Variants in TENM3 observed in about 807,000 individuals in gnomAD.
TENM3 encodes teneurin transmembrane protein 3, also known as teneurin-3.
Under a neutral mutation model 255.1 loss-of-function variants are expected in TENM3, and 63 were observed. The observed-to-expected ratio is 0.25, with a 90% CI of 0.20 to 0.30. The LOEUF is 0.30. Ranked by LOEUF, TENM3 falls within the 10% of genes least tolerant of loss-of-function variation. The probability of loss-of-function intolerance (pLI) is 1.00; values close to 1 mark genes in which losing one functional copy is unlikely to be tolerated. For synonymous variants in TENM3, 1,306 were observed against 1,322.3 expected (o/e 0.99, Z 0.27); for missense variants, 2,929 against 3,461.1 (o/e 0.85, Z 3.86).
chr4:181,510,785 G>T, the TENM3 span, among the ~76,000 whole-genome samples: 15 of 152,298 alleles, frequency 9.8e-5, no homozygotes, highest in African/African-American at 2.9e-4. Context: ...GACTCTCTAA[G>T]GAGAATTCAA....
At chr4:182,296,470 A>G (rs1761506371) in intron 1 of TENM3, among the ~76,000 whole-genome samples, 1 of 152,166 alleles carries the variant, frequency 6.6e-6, no homozygotes, top group African/African-American at 2.4e-5. Context: ...AAAAACTTCC[A>G]AACCAGAGAG....
At chr4:182,762,612 C>A (rs1196576949) in intron 22 of TENM3, among the ~76,000 whole-genome samples, 1 of 152,214 alleles carries the variant, frequency 6.6e-6, no homozygotes, top group Non-Finnish European at 1.5e-5. Flanking sequence ...AGCTCTCACT[C>A]CTGGATCCCG....
At chr4:182,711,928 C>G (rs1371487403) in intron 12 of TENM3, among the ~76,000 whole-genome samples, 1 of 151,924 alleles carries the variant, frequency 6.6e-6, no homozygotes, top group East Asian at 1.9e-4. Context: ...TCACTGTTGG[C>G]AATTCAGCTT....
chr4:182,402,951 G>T (rs1411528701), intron 3 of TENM3, among the ~76,000 whole-genome samples: 2 of 152,206 alleles, frequency 1.3e-5, no homozygotes, highest in Non-Finnish European at 2.9e-5. Context: ...ATATAACCAT[G>T]ATGGAAATGT....
intron 1 of TENM3, among the ~76,000 whole-genome samples, chr4:182,218,884 T>C (rs1011697828): frequency 1.3e-5 from 2 of 152,374 alleles, no homozygotes; most frequent in Middle Eastern, 6.8e-3. Context: ...AATTATGTTG[T>C]AATTCTTTAT....
the TENM3 span, among the ~76,000 whole-genome samples, chr4:181,995,694 T>C: frequency 6.6e-6 from 1 of 152,176 alleles, no homozygotes; most frequent in African/African-American, 2.4e-5. Flanking sequence ...AATTGAGTAC[T>C]TGCTATAGAT....
At chr4:182,771,382 C>T (rs1376268927) in intron 22 of TENM3, among the ~76,000 whole-genome samples, 1 of 152,110 alleles carries the variant, frequency 6.6e-6, no homozygotes, top group African/African-American at 2.4e-5. Flanking sequence ...TACAGGAGGG[C>T]TAGTGGGCCT....
At chr4:182,786,770 A>G (rs931667617) in intron 24 of TENM3, among the ~76,000 whole-genome samples, 2 of 152,160 alleles carry the variant, frequency 1.3e-5, no homozygotes, top group African/African-American at 4.8e-5. Flanking sequence ...ATGGGCAATA[A>G]TAACATGGCA....
rs1764846737 is a variant in TENM3, at chr4:182,346,805, G to T, written c.387G>T (p.Glu129Asp). The T allele has an allele frequency of 1.9e-6, 3 of 1,613,544 alleles. No individual in the cohort carries two copies. Among genetic ancestry groups the T allele is most frequent in the Non-Finnish European group, 2.5e-6 (3 of 1,179,720 alleles). Residue 129 changes from glutamate (E) to aspartate (D), a missense_variant, in exon 3 of 28, where the codon GAG (glutamate) becomes GAT (aspartate). Glu to Asp is a conservative substitution (Grantham distance 45, BLOSUM62 2). This residue lies in a region of TENM3 where 283 missense variants were observed against 256.9 expected (regional missense o/e 1.10). Coordinates refer to ENST00000511685, the MANE Select transcript of TENM3 (RefSeq NM_001080477.4). ...DTENEAVMSP[E>D]HAMRLWGRGV... ...AAAATGAAGCAGTGATGTCCCCAGA[G>T]CATGCCATGAGACTTTGGGGCAGGG...
chr4:181,776,715 A>G, the TENM3 span, among the ~76,000 whole-genome samples: 1 of 152,002 alleles, frequency 6.6e-6, no homozygotes, highest in Non-Finnish European at 1.5e-5. Context: ...TCATTTTTAT[A>G]TCTTCCTTTG....
At chr4:181,977,216 G>T in the TENM3 span, among the ~76,000 whole-genome samples, 1 of 151,830 alleles carries the variant, frequency 6.6e-6, no homozygotes, top group Non-Finnish European at 1.5e-5. Flanking sequence ...CCATAGGATC[G>T]TTAAAAGGAT....
the TENM3 span, among the ~76,000 whole-genome samples, chr4:181,918,711 A>G: frequency 3.3e-5 from 5 of 152,116 alleles, no homozygotes; most frequent in Admixed American, 6.5e-5. Context: ...CCTTTAAAAA[A>G]AAAGAAGTTT....
At chr4:181,663,562 G>A in the TENM3 span, among the ~76,000 whole-genome samples, 1 of 152,126 alleles carries the variant, frequency 6.6e-6, no homozygotes, top group Admixed American at 6.5e-5. Context: ...CTAAATGAGA[G>A]TATTAGGAAA....
chr4:181,469,681 G>T, the TENM3 span, among the ~76,000 whole-genome samples: 1 of 72,792 alleles, frequency 1.4e-5, no homozygotes, highest in Non-Finnish European at 3.4e-5. Flanking sequence ...CCAGAAAATT[G>T]TTGAGTAGTT....
chr4:182,492,867 A>C (rs575126377), intron 3 of TENM3, among the ~76,000 whole-genome samples: 89 of 152,264 alleles, frequency 5.8e-4, no homozygotes, highest in Non-Finnish European at 9.4e-4. Context: ...ATATTTACTA[A>C]AGTTTTATTT....
intron 3 of TENM3, among the ~76,000 whole-genome samples, chr4:182,521,210 T>G (rs968862927): frequency 6.6e-6 from 1 of 152,230 alleles, no homozygotes; most frequent in African/African-American, 2.4e-5. Flanking sequence ...TATTTCAAAG[T>G]GTTATCTTTA....
At position 182,673,040 on chromosome 4, in the gene TENM3, A is replaced by T; in HGVS notation, c.1147A>T (p.Ile383Leu). Residue 383 changes from isoleucine (I) to leucine (L), a missense_variant, in exon 7 of 28, where the codon ATA becomes TTA. Coordinates refer to ENST00000511685, the MANE Select transcript of TENM3 (RefSeq NM_001080477.4). Reference sequence around the variant, plus strand: ...TGGATTTACGCAAGAAAATAACACCATAGATTCCGGAGAACTTGATATTGG... The same window carrying T: ...TGGATTTACGCAAGAAAATAACACCTTAGATTCCGGAGAACTTGATATTGG... Reference protein sequence around the residue: ...LGGFTQENNTIDSGELDIGRR... With the variant: ...LGGFTQENNTLDSGELDIGRR... 6.2e-7 allele frequency: 1 copy of T among 1,602,584 alleles called. No homozygotes were observed. The highest frequency in any genetic ancestry group is 8.5e-7 in the Non-Finnish European group (1 of 1,173,532).
chr4:181,605,558 G>GAA, the TENM3 span, among the ~76,000 whole-genome samples: 1 of 28,574 alleles, frequency 3.5e-5, no homozygotes, highest in Non-Finnish European at 9.9e-5. Context: ...AAGAAAGAAA[G>GAA]AAAGAAAGAA....
At chr4:182,438,839 G>A (rs1384421886) in intron 3 of TENM3, among the ~76,000 whole-genome samples, 1 of 152,160 alleles carries the variant, frequency 6.6e-6, no homozygotes, top group African/African-American at 2.4e-5. Context: ...AAATTCATTT[G>A]AATGATCACA....
Sources: gnomAD v4.1 joint callset for allele counts (sites outside exome capture counted in the v4.1 genomes callset) on GRCh38, gnomAD v4.1.1 for gene constraint, gnomAD v4.1.1 regional missense constraint, MANE v1.5 for transcripts, NCBI Gene and HGNC (gene_info 2026-07-23, HGNC 2026-07-21) for gene names.